The following PCDH11X variants were observed in gnomAD, a reference collection of about 807,000 sequenced individuals.
The protein encoded by PCDH11X is protocadherin-11 X-linked.
Under a neutral mutation model 53.3 loss-of-function variants are expected in PCDH11X, and 18 were observed. The observed-to-expected ratio is 0.34, with a 90% CI of 0.23 to 0.50. The LOEUF (loss-of-function observed/expected upper bound fraction) is 0.50, where lower values mean the gene tolerates loss of function less well. PCDH11X is among the 20% of genes least tolerant of loss of function. The pLI is 0.98. For missense variants in PCDH11X, 570 were observed against 1,032.4 expected, an observed-to-expected ratio of 0.55 and a Z score of 6.14; for synonymous variants, 279 against 393.3, an observed-to-expected ratio of 0.71 and a Z score of 3.44.
chrX:92,514,695 C>A (rs1326020063), intron 10 of PCDH11X, among the ~76,000 whole-genome samples: 1 of 109,361 alleles, frequency 9.1e-6, no homozygotes, highest in Admixed American at 9.8e-5. Flanking sequence ...CTCCCCACTG[C>A]ACTCCAGCCT....
intron 6 of PCDH11X, among the ~76,000 whole-genome samples, chrX:91,884,602 C>A (rs1455362587): frequency 9.0e-6 from 1 of 111,442 alleles, no homozygotes; most frequent in African/African-American, 3.3e-5. Context: ...AACTCATTTC[C>A]TACACGAATG....
chrX:92,588,674 C>T (rs1303823924), intron 10 of PCDH11X, among the ~76,000 whole-genome samples: 1 of 109,145 alleles, frequency 9.2e-6, no homozygotes, highest in Non-Finnish European at 1.9e-5. Flanking sequence ...AAAATAGCCT[C>T]AAAAGAGCAC....
chrX:91,955,430 T>A (rs1035931192), intron 6 of PCDH11X, among the ~76,000 whole-genome samples: 1 of 110,683 alleles, frequency 9.0e-6, no homozygotes, highest in Non-Finnish European at 1.9e-5. Context: ...GCTATAAATT[T>A]CCCTTTGGCG....
intron 6 of PCDH11X, among the ~76,000 whole-genome samples, chrX:92,184,611 T>G (rs1225814004): frequency 1.8e-5 from 2 of 111,817 alleles, no homozygotes; most frequent in Admixed American, 9.6e-5. Context: ...ACAAAAACAG[T>G]ATGGTACTGG....
At chrX:92,479,589 GATA>G (rs2073459432) in intron 10 of PCDH11X, among the ~76,000 whole-genome samples, 2 of 109,350 alleles carry the variant, frequency 1.8e-5, no homozygotes, top group Admixed American at 2.0e-4. Context: ...CTTGTTTGAA[GATA>G]ATGTCATTTC....
At chrX:91,818,698 C>CA (rs71845262) in intron 4 of PCDH11X, among the ~76,000 whole-genome samples, 22,808 of 95,915 alleles carry the variant, frequency 0.24, 2,215 homozygotes, top group East Asian at 0.3. Flanking sequence ...GACTCTATCT[C>CA]AAAAAAAAAA....
At chrX:92,063,189 CG>C (rs1346814144) in intron 6 of PCDH11X, among the ~76,000 whole-genome samples, 2 of 33,794 alleles carry the variant, frequency 5.9e-5, no homozygotes, top group East Asian at 8.5e-4. Context: ...CCAGGCCTGT[CG>C]GGGGGTGGGG....
chrX:91,907,412 C>CACAGAGAGAGAGAGAGAG (rs756926383), intron 6 of PCDH11X, among the ~76,000 whole-genome samples: 6 of 57,498 alleles, frequency 1.0e-4, no homozygotes, highest in Non-Finnish European at 1.8e-4. Flanking sequence ...CACACACACA[C>CACAGAGAGAGAGAGAGAG]AGAGAGAGAG....
At chrX:92,116,536 G>A (rs1257828073) in intron 6 of PCDH11X, among the ~76,000 whole-genome samples, 2 of 111,927 alleles carry the variant, frequency 1.8e-5, no homozygotes, top group Non-Finnish European at 3.8e-5. Flanking sequence ...AATCTTTCTG[G>A]CTGTTTTCTT....
At chrX:92,411,285 G>GCC (rs1157098761) in intron 9 of PCDH11X, among the ~76,000 whole-genome samples, 3 of 110,904 alleles carry the variant, frequency 2.7e-5, no homozygotes, top group East Asian at 5.7e-4. Flanking sequence ...TTTACTTTAA[G>GCC]CCCTGGGATA....
chrX:92,495,209 C>T (rs958454612), intron 10 of PCDH11X, among the ~76,000 whole-genome samples: 5 of 111,269 alleles, frequency 4.5e-5, no homozygotes, highest in African/African-American at 1.6e-4. Flanking sequence ...CTCCATAAAT[C>T]TGCATACCGT....
chrX:92,366,774 T>G (rs2070483580), intron 8 of PCDH11X, among the ~76,000 whole-genome samples: 1 of 104,102 alleles, frequency 9.6e-6, no homozygotes, highest in African/African-American at 3.5e-5. Flanking sequence ...CAGGAGCAGG[T>G]TGTTCAATTT....
chrX:92,163,918 C>T (rs115315544), intron 6 of PCDH11X, among the ~76,000 whole-genome samples: 4,998 of 109,985 alleles, frequency 0.045, 406 homozygotes, highest in African/African-American at 0.16. Flanking sequence ...TTCAAAATAA[C>T]GCAAAGTTTT....
At chrX:92,477,486 A>G (rs1179020874) in intron 10 of PCDH11X, among the ~76,000 whole-genome samples, 1 of 81,372 alleles carries the variant, frequency 1.2e-5, no homozygotes, top group Non-Finnish European at 2.3e-5. Flanking sequence ...CCTGGGACTC[A>G]CCCTTCAGAA....
intron 9 of PCDH11X, among the ~76,000 whole-genome samples, chrX:92,456,030 G>A (rs981704535): frequency 5.4e-5 from 6 of 112,062 alleles, no homozygotes; most frequent in Non-Finnish European, 9.4e-5. Flanking sequence ...ATTTCGGAAA[G>A]TTTTTCAGTG....
chrX:91,838,232 G>C (rs750544916), intron 5 of PCDH11X, among the ~76,000 whole-genome samples: 10 of 111,901 alleles, frequency 8.9e-5, no homozygotes, highest in Admixed American at 7.6e-4. Context: ...CATAATTTTA[G>C]CTTTGTTAAA....
chrX:92,361,944 A>T (rs1874705025), intron 8 of PCDH11X, among the ~76,000 whole-genome samples: 1 of 111,419 alleles, frequency 9.0e-6, no homozygotes, highest in African/African-American at 3.3e-5. Flanking sequence ...GGGTTATTTA[A>T]CTTAGCATAA....
chrX:92,000,017 A>G (rs1462270683), intron 6 of PCDH11X, among the ~76,000 whole-genome samples: 3 of 111,593 alleles, frequency 2.7e-5, no homozygotes, highest in Non-Finnish European at 1.9e-5. Flanking sequence ...GTGTTTCACT[A>G]TGTATGGGGG....
intron 6 of PCDH11X, among the ~76,000 whole-genome samples, chrX:91,911,845 A>T (rs1162861814): frequency 2.7e-5 from 3 of 110,174 alleles, no homozygotes; most frequent in African/African-American, 9.9e-5. Context: ...TTTGACAGAG[A>T]TTGCACTGAA....
Sources: gnomAD v4.1 joint callset for allele counts (sites outside exome capture counted in the v4.1 genomes callset) on GRCh38, gnomAD v4.1.1 for gene constraint, MANE v1.5 for transcripts, NCBI Gene and HGNC (gene_info 2026-07-23, HGNC 2026-07-21) for gene names.